UTRN: variants seen among roughly 807,000 people sequenced by gnomAD.
UTRN encodes the protein utrophin.
In UTRN, 283 loss-of-function variants were observed where a neutral mutation model predicts 463.9. The ratio of observed to expected loss-of-function variants is 0.61; its 90% confidence interval spans 0.55 to 0.67. The LOEUF (loss-of-function observed/expected upper bound fraction) is 0.67. Ranked by LOEUF, UTRN falls within the 30% of genes least tolerant of loss-of-function variation. The probability of loss-of-function intolerance (pLI) is 0.00; values close to 1 mark genes in which losing one functional copy is unlikely to be tolerated. For missense variants in UTRN, 3,922 were observed against 4,084.3 expected, an observed-to-expected ratio of 0.96 and a Z score of 1.08; for synonymous variants, 1,442 against 1,431.5, an observed-to-expected ratio of 1.01 and a Z score of -0.17.
chr6:144,390,043 T>G (rs1781770960), intron 2 of UTRN, among the ~76,000 whole-genome samples: 1 of 152,208 alleles, frequency 6.6e-6, no homozygotes, highest in Admixed American at 6.5e-5. Context: ...TTATAGTTAA[T>G]AACAATTTGG....
chr6:144,401,328 G>T (rs1782919573), intron 2 of UTRN, among the ~76,000 whole-genome samples: 2 of 152,000 alleles, frequency 1.3e-5, no homozygotes, highest in Admixed American at 1.3e-4. Context: ...ATTCATTTTG[G>T]TGAGGCTGGT....
At chr6:144,643,525 G>A (rs1014213736) in intron 51 of UTRN, among the ~76,000 whole-genome samples, 2 of 152,104 alleles carry the variant, frequency 1.3e-5, no homozygotes, top group African/African-American at 2.4e-5. Context: ...GGCCGGGCAC[G>A]GTGGTTCATG....
chr6:144,698,741 G>A (rs959589758), intron 52 of UTRN, among the ~76,000 whole-genome samples: 2 of 152,202 alleles, frequency 1.3e-5, no homozygotes, highest in Non-Finnish European at 2.9e-5. Context: ...AGGAACATGT[G>A]CATAGATTTA....
Position 144,554,672 on chromosome 6 carries a change from A to G in UTRN, c.6929-16A>G, listed in dbSNP as rs764739793. 3.8e-6 allele frequency: 6 copies of G among 1,595,218 alleles called. No homozygotes were observed. The East Asian group carries it at 1.1e-4, about 30-fold the overall frequency. ...ACATGTTGGGATTTTTTTTTCTTTTATAATGCTACCCTCAGTGGAAAGGGT... is the reference window on the plus strand; with the variant it reads ...ACATGTTGGGATTTTTTTTTCTTTTGTAATGCTACCCTCAGTGGAAAGGGT... On this transcript the variant is annotated splice_polypyrimidine_tract_variant and intron_variant, in intron 48 of 74. Coordinates refer to ENST00000367545, the MANE Select transcript of UTRN (RefSeq NM_007124.3).
chr6:144,461,098 TCCTTTGCC>T (rs1789359953), intron 21 of UTRN, 91 bp from the exon 22 acceptor site: 1 of 982,674 alleles, frequency 1.0e-6, no homozygotes, highest in Non-Finnish European at 1.4e-6. Context: ...TCATGGGGTC[TCCTTTGCC>T]ATGTATTGGA....
chr6:144,447,646 G>A lies in UTRN; in HGVS notation c.1767G>A (p.Gln589=), dbSNP rs1027290592. 5 of 1,613,834 alleles carry A rather than the reference G, an allele frequency of 3.1e-6. No homozygotes were observed. In the African/African-American group the frequency reaches 5.3e-5, roughly 17 times the overall value. Residue 589 remains glutamine (Q), a synonymous_variant, in exon 16 of 75, where the codon CAG becomes CAA. Coordinates refer to ENST00000367545, the MANE Select transcript of UTRN (RefSeq NM_007124.3). ...AAATGAAGCGTCAAACATTGGATCA[G>A]CTGAGTGAGATTGGCCAGGATGTGG... ...DMEMKRQTLD[Q]LSEIGQDVGQ...
chr6:144,462,857 A>C lies in UTRN; in HGVS notation c.3057A>C (p.Arg1019Ser). The change falls in exon 23 of 75, where the codon AGA becomes AGC. Residue 1019 changes from arginine to serine, a missense_variant. Physicochemically the swap from Arg to Ser is moderately radical, Grantham distance 110. Coordinates refer to ENST00000367545, the MANE Select transcript of UTRN (RefSeq NM_007124.3). ...TTGAGGAAATTGCTCTCACACTCAG[A>C]GCTTTTGAGGTAAATCCAGAGGCCA... ...HLLEEIALTL[R>S]AFEADSTVIE... 6.2e-7 allele frequency: 1 copy of C among 1,603,066 alleles called. No homozygotes were observed. Among genetic ancestry groups the C allele is most frequent in the Non-Finnish European group, 8.5e-7 (1 of 1,177,782 alleles).
At chr6:144,330,679 G>C (rs1261827604) in intron 2 of UTRN, 2 of 274,902 alleles carry the variant, frequency 7.3e-6, no homozygotes, top group Non-Finnish European at 1.1e-5. Flanking sequence ...GTTGTCACAC[G>C]TCTTCAGATT....
chr6:144,476,075 T>TA (rs149978350), intron 25 of UTRN, among the ~76,000 whole-genome samples: 2,648 of 141,872 alleles, frequency 0.019, 75 homozygotes, highest in African/African-American at 0.064. Flanking sequence ...GATCCTGTCT[T>TA]AAAAAAAAAA....
At chr6:144,801,714 A>G (rs1324911471) in intron 64 of UTRN, among the ~76,000 whole-genome samples, 3 of 152,162 alleles carry the variant, frequency 2.0e-5, no homozygotes, top group African/African-American at 4.8e-5. Context: ...TTAGAACTTT[A>G]GTTTTCTTTC....
intron 51 of UTRN, among the ~76,000 whole-genome samples, chr6:144,593,365 CT>C (rs1803313994): frequency 6.6e-6 from 1 of 152,094 alleles, no homozygotes; most frequent in South Asian, 2.1e-4. Context: ...GGTGACACCC[CT>C]AGGTACCCTT....
intron 2 of UTRN, among the ~76,000 whole-genome samples, chr6:144,393,640 G>A (rs903022051): frequency 4.3e-4 from 66 of 152,240 alleles, no homozygotes; most frequent in African/African-American, 1.6e-3. Context: ...CGTCAGAGAA[G>A]GGTGTTGAAA....
intron 30 of UTRN, among the ~76,000 whole-genome samples, chr6:144,489,157 C>T (rs966916805): frequency 5.9e-5 from 9 of 152,092 alleles, no homozygotes; most frequent in Non-Finnish European, 2.9e-5. Context: ...TCAAGTGACT[C>T]TCCTGCCTCA....
At chr6:144,430,477 A>T (rs1396434022) in intron 9 of UTRN, among the ~76,000 whole-genome samples, 2 of 152,172 alleles carry the variant, frequency 1.3e-5, no homozygotes, top group African/African-American at 4.8e-5. Flanking sequence ...CAACCAAGAC[A>T]TACATGTAGA....
Position 144,751,676 on chromosome 6 carries a change from G to A in UTRN, c.8209-130G>A. The A allele has an allele frequency of 3.7e-6, 3 of 811,056 alleles. No homozygotes were observed. The South Asian group carries it at 8.8e-5, about 24-fold the overall frequency. 50.2% of individuals were successfully genotyped at this position (811,056 alleles called of 1,614,324 possible). On this transcript the variant is annotated intron_variant, in intron 55 of 74. Transcript: ENST00000367545. ...AAAATCTGTGCATAAATGGACCCAG[G>A]AAGTTTGGTTGAGAAAAATCTGTGC...
intron 2 of UTRN, among the ~76,000 whole-genome samples, chr6:144,396,577 A>G (rs1782441321): frequency 6.6e-6 from 1 of 152,214 alleles, no homozygotes; most frequent in Non-Finnish European, 1.5e-5. Context: ...GCCAAAAACG[A>G]TTGAATTGTA....
At chr6:144,555,403 C>T (rs1164488761) in intron 49 of UTRN, among the ~76,000 whole-genome samples, 1 of 152,098 alleles carries the variant, frequency 6.6e-6, no homozygotes, top group East Asian at 1.9e-4. Context: ...GGCAGCAAGA[C>T]AGAGAGAGAT....
intron 65 of UTRN, among the ~76,000 whole-genome samples, chr6:144,807,959 T>C (rs1778290514): frequency 6.6e-6 from 1 of 152,152 alleles, no homozygotes; most frequent in Admixed American, 6.6e-5. Context: ...ATCTAACTTA[T>C]CTTTATTTTG....
chr6:144,621,096 A>G (rs1450883452), intron 51 of UTRN, among the ~76,000 whole-genome samples: 1 of 152,208 alleles, frequency 6.6e-6, no homozygotes, highest in Non-Finnish European at 1.5e-5. Context: ...CTCCATCTAC[A>G]AAATGAGAGT....
Sources: gnomAD v4.1 joint callset for allele counts (sites outside exome capture counted in the v4.1 genomes callset) on GRCh38, gnomAD v4.1.1 for gene constraint, MANE v1.5 for transcripts, NCBI Gene and HGNC (gene_info 2026-07-23, HGNC 2026-07-21) for gene names.